Variants in TPD52L1 observed in about 807,000 individuals in gnomAD.
The protein encoded by TPD52L1 is TPD52 like 1.
Under a neutral mutation model 28.7 loss-of-function variants are expected in TPD52L1, and 18 were observed. The observed-to-expected ratio is 0.63, with a 90% CI of 0.43 to 0.93. TPD52L1 has a LOEUF of 0.93. Ranked by LOEUF, TPD52L1 falls within the 40% of genes least tolerant of loss-of-function variation. The pLI is 0.00. For synonymous variants in TPD52L1, 75 were observed against 88.8 expected, an observed-to-expected ratio of 0.84 and a Z score of 0.88; for missense variants, 203 against 254.8, an observed-to-expected ratio of 0.80 and a Z score of 1.39.
chr6:125,215,601 G>A (rs193026058), intron 1 of TPD52L1, among the ~76,000 whole-genome samples: 2 of 152,146 alleles, frequency 1.3e-5, no homozygotes, highest in African/African-American at 2.4e-5. Flanking sequence ...TGAAAGATTC[G>A]TGATGTCTCT....
At chr6:125,259,916 G>A (rs1797815155) in intron 6 of TPD52L1, 1 of 152,198 alleles carries the variant, frequency 6.6e-6, no homozygotes, top group African/African-American at 2.4e-5. Context: ...TGCTTAAGGA[G>A]GTCCTTACCT....
chr6:125,188,129 G>A (rs984940984), intron 1 of TPD52L1, among the ~76,000 whole-genome samples: 8 of 152,120 alleles, frequency 5.3e-5, no homozygotes, highest in African/African-American at 9.7e-5. Context: ...AGTACATTCC[G>A]CCAAAGCCTT....
At chr6:125,187,257 G>A (rs895132602) in intron 1 of TPD52L1, among the ~76,000 whole-genome samples, 1 of 152,142 alleles carries the variant, frequency 6.6e-6, no homozygotes, top group Admixed American at 6.5e-5. Context: ...ATATCCCTTG[G>A]ACAGGCAAAA....
intron 1 of TPD52L1, among the ~76,000 whole-genome samples, chr6:125,217,307 A>T (rs545463580): frequency 6.6e-6 from 1 of 152,330 alleles, no homozygotes; most frequent in Non-Finnish European, 1.5e-5. Flanking sequence ...ACATTGTAAT[A>T]TATAATGAAA....
intron 3 of TPD52L1, among the ~76,000 whole-genome samples, chr6:125,245,976 G>A (rs1407091226): frequency 6.6e-6 from 1 of 152,188 alleles, no homozygotes; most frequent in Admixed American, 6.5e-5. Context: ...ACGCCCAGTG[G>A]CAATTATTAT....
chr6:125,235,496 C>T (rs554040127), intron 3 of TPD52L1, among the ~76,000 whole-genome samples: 4 of 152,116 alleles, frequency 2.6e-5, no homozygotes, highest in African/African-American at 9.7e-5. Flanking sequence ...TCAAAGCTGT[C>T]CTGGGCCACA....
At chr6:125,231,177 C>T (rs560615252) in intron 3 of TPD52L1, 1 of 152,156 alleles carries the variant, frequency 6.6e-6, no homozygotes, top group Non-Finnish European at 1.5e-5. Context: ...TCTGAACTTC[C>T]CTGTGGGGTA....
intron 3 of TPD52L1, among the ~76,000 whole-genome samples, chr6:125,240,941 A>T (rs1796577697): frequency 1.3e-5 from 2 of 152,094 alleles, no homozygotes; most frequent in African/African-American, 4.8e-5. Context: ...TCTCCCATTT[A>T]GTATGAAGCT....
chr6:125,155,331 C>G (rs758925439), intron 1 of TPD52L1, among the ~76,000 whole-genome samples: 1 of 152,234 alleles, frequency 6.6e-6, no homozygotes, highest in Non-Finnish European at 1.5e-5. Flanking sequence ...TGGCCAACCC[C>G]ATCCCAGTCA....
At chr6:125,255,976 G>A (rs980280506) in intron 5 of TPD52L1, among the ~76,000 whole-genome samples, 10 of 152,098 alleles carry the variant, frequency 6.6e-5, no homozygotes, top group African/African-American at 2.4e-4. Flanking sequence ...AAACCAGAAA[G>A]CACCAAATGA....
chr6:125,261,960 C>A (rs145811322), intron 6 of TPD52L1: 1 of 152,180 alleles, frequency 6.6e-6, no homozygotes, highest in African/African-American at 2.4e-5. Flanking sequence ...TTAATTGACT[C>A]ACAGTTCCAC....
intron 1 of TPD52L1, among the ~76,000 whole-genome samples, chr6:125,193,300 A>T (rs1027958625): frequency 1.3e-5 from 2 of 152,084 alleles, no homozygotes; most frequent in African/African-American, 2.4e-5. Flanking sequence ...GCTTATGTTT[A>T]TGTTCTCCTT....
Position 125,242,694 on chromosome 6 carries a change from G to A in TPD52L1, c.285-5588G>A, listed in dbSNP as rs146451685. 1.7e-4 allele frequency among the ~76,000 whole-genome samples: 26 copies of A among 152,066 alleles called. No homozygotes were observed. The East Asian group carries it at 2.1e-3, about 12-fold the overall frequency. ...GTTGATGTGATTCCTTTTGTGTTACGTGAGTCTCTTGAAGACAGCAGATAC... is the reference window on the plus strand; with the variant it reads ...GTTGATGTGATTCCTTTTGTGTTACATGAGTCTCTTGAAGACAGCAGATAC... On this transcript the variant is annotated intron_variant, in intron 3 of 6. Transcript: ENST00000534000.
At chr6:125,224,239 A>G (rs1459309299) in intron 2 of TPD52L1, among the ~76,000 whole-genome samples, 1 of 152,244 alleles carries the variant, frequency 6.6e-6, no homozygotes, top group South Asian at 2.1e-4. Flanking sequence ...TTATATAACA[A>G]TCAAGTACTG....
At position 125,262,966 on chromosome 6, in the gene TPD52L1, C is replaced by T. The variant is rs1798144964; in HGVS notation, c.*4C>T. On this transcript the variant is annotated 3_prime_UTR_variant, in exon 7 of 7. Coordinates refer to ENST00000534000, the MANE Select transcript of TPD52L1 (RefSeq NM_003287.4). The stretch of plus-strand genomic sequence containing the variant: ...GGAGGAGGAGCTGCAGTGCTAAGTC[C>T]AGCCAGCGTGCAGCTGCATCCAGAA... 8 of 1,611,938 alleles carry T rather than the reference C, an allele frequency of 5.0e-6. No homozygotes were observed. The highest frequency in any genetic ancestry group is 1.3e-5 in the African/African-American group (1 of 74,868).
chr6:125,228,728 T>C (rs932806955), intron 2 of TPD52L1, among the ~76,000 whole-genome samples: 2 of 152,116 alleles, frequency 1.3e-5, no homozygotes, highest in Admixed American at 6.6e-5. Flanking sequence ...AAAATAAGGG[T>C]ACAGTAGAAA....
At chr6:125,165,772 A>G (rs1213366026) in intron 1 of TPD52L1, among the ~76,000 whole-genome samples, 1 of 152,214 alleles carries the variant, frequency 6.6e-6, no homozygotes, top group African/African-American at 2.4e-5. Context: ...TCATGGAAGC[A>G]GAACTGATTC....
chr6:125,243,378 C>T (rs1052698186), intron 3 of TPD52L1, among the ~76,000 whole-genome samples: 1 of 152,082 alleles, frequency 6.6e-6, no homozygotes, highest in African/African-American at 2.4e-5. Context: ...AAGTTTTCCC[C>T]AATTATTTCC....
chr6:125,257,697 G>T (rs777138146), intron 6 of TPD52L1, among the ~76,000 whole-genome samples: 5 of 152,202 alleles, frequency 3.3e-5, no homozygotes, highest in Non-Finnish European at 4.4e-5. Context: ...ACACAGTAAT[G>T]CATTTCATCC....
Sources: gnomAD v4.1 joint callset for allele counts (sites outside exome capture counted in the v4.1 genomes callset) on GRCh38, gnomAD v4.1.1 for gene constraint, MANE v1.5 for transcripts, NCBI Gene and HGNC (gene_info 2026-07-23, HGNC 2026-07-21) for gene names.